Variants in FNBP1 observed in about 807,000 individuals in gnomAD.
FNBP1 encodes the protein formin binding protein 1, also known as formin-binding protein 1.
A neutral mutation model predicts 90.6 loss-of-function variants in FNBP1; 26 were observed. That is an observed-to-expected ratio of 0.29 (90% CI 0.21 to 0.40). The LOEUF is 0.40. Among genes scored for constraint, FNBP1 ranks in the 10% least tolerant of loss-of-function variants. FNBP1 has a pLI of 1.00. For synonymous variants in FNBP1, 260 were observed against 265.2 expected, an observed-to-expected ratio of 0.98 and a Z score of 0.19; for missense variants, 635 against 768.0, an observed-to-expected ratio of 0.83 and a Z score of 2.05.
chr9:129,996,728 C>T (rs181359676), intron 1 of FNBP1, among the ~76,000 whole-genome samples: 122 of 152,224 alleles, frequency 8.0e-4, no homozygotes, highest in African/African-American at 2.1e-3. Flanking sequence ...GAGACAGAGT[C>T]GTGCTCTTTC....
intron 8 of FNBP1, among the ~76,000 whole-genome samples, 172 bp downstream of exon 8, chr9:129,927,023 T>C (rs973781505): frequency 5.3e-5 from 8 of 152,142 alleles, no homozygotes; most frequent in Admixed American, 5.2e-4. Flanking sequence ...ACCACTTAAA[T>C]GTGTTTACCA....
At chr9:129,905,615 A>T (rs541377364) in intron 12 of FNBP1, among the ~76,000 whole-genome samples, 1 of 151,506 alleles carries the variant, frequency 6.6e-6, no homozygotes, top group Non-Finnish European at 1.5e-5. Context: ...AGCCGCTTCT[A>T]TTTCCTTTGG....
chr9:129,944,400 GCGTCGTGGTGGGCGCCTGTAGTCC>G (rs780096610), intron 6 of FNBP1, among the ~76,000 whole-genome samples: 175 of 152,060 alleles, frequency 1.2e-3, no homozygotes, highest in South Asian at 2.5e-3. Flanking sequence ...AATTAGCTGG[GCGTCGTGGTGGGCGCCTGTAGTCC>G]CAGCTACTTG....
chr9:129,926,800 C>T lies in FNBP1; in HGVS notation c.789+395G>A, dbSNP rs1204385867. On this transcript the variant is annotated intron_variant, in intron 8 of 16. Transcript: ENST00000446176. ...ACTCAGGAGGCTGAGGCAGGAGAAT[C>T]GCTTGAACCCGGGAGGTGGAGGTTG... Among the ~76,000 whole-genome samples, 4 of 151,462 alleles carry T rather than the reference C, an allele frequency of 2.6e-5. No individual in the cohort carries two copies. The East Asian group carries it at 7.8e-4, about 29-fold the overall frequency.
intron 4 of FNBP1, among the ~76,000 whole-genome samples, chr9:129,961,641 C>T (rs2047838139): frequency 6.6e-6 from 1 of 151,974 alleles, no homozygotes; most frequent in South Asian, 2.1e-4. Flanking sequence ...GATCTCGGTT[C>T]ACTGAGACCT....
chr9:130,033,758 C>T (rs144872026), intron 1 of FNBP1, among the ~76,000 whole-genome samples: 3,558 of 150,196 alleles, frequency 0.024, 58 homozygotes, highest in Middle Eastern at 0.039. Flanking sequence ...TTTGGGAGGC[C>T]GAGGCGGGCG....
rs71385491 is a variant in FNBP1 at position 129,948,356 on chromosome 9, C to CTTTTTTT, written c.513+8997_513+9003dup. ...TCATACAAAACACCTATTTTGGTGT[C>CTTTTTTT]TTTTTTTTTTTTTTTTTTTTTTTTT... On this transcript the variant is annotated intron_variant, in intron 6 of 16. Coordinates refer to ENST00000446176, the MANE Select transcript of FNBP1 (RefSeq NM_015033.3). Among the ~76,000 whole-genome samples, 10 of 64,480 alleles carry CTTTTTTT rather than the reference C, an allele frequency of 1.6e-4. 2 individuals are homozygous for CTTTTTTT. The highest frequency in any genetic ancestry group is 6.3e-4 in the African/African-American group (9 of 14,224). 42.3% of individuals were successfully genotyped at this position (64,480 alleles called of 152,430 possible). A position where few individuals can be genotyped will look rare whatever the true frequency, so the allele number is the denominator to read the frequency against.
chr9:130,014,185 G>A, intron 1 of FNBP1: 1 of 386,870 alleles, frequency 2.6e-6, no homozygotes, highest in Non-Finnish European at 5.1e-6. Context: ...AGAAAGGGAT[G>A]TGATCAGGGA....
chr9:129,994,359 C>T (rs1207093386), intron 2 of FNBP1, among the ~76,000 whole-genome samples: 1 of 152,074 alleles, frequency 6.6e-6, no homozygotes, highest in East Asian at 1.9e-4. Flanking sequence ...CAAAAGTGGG[C>T]ACTACTAATC....
intron 1 of FNBP1, among the ~76,000 whole-genome samples, chr9:130,018,379 T>C (rs1037760353): frequency 1.3e-5 from 2 of 152,074 alleles, no homozygotes; most frequent in African/African-American, 4.8e-5. Context: ...ATGAGGAAAC[T>C]AACATAGCAG....
intron 6 of FNBP1, among the ~76,000 whole-genome samples, chr9:129,944,875 T>C (rs560732206): frequency 2.0e-5 from 3 of 152,290 alleles, no homozygotes; most frequent in African/African-American, 7.2e-5. Flanking sequence ...GGCTAGGCCA[T>C]TTACTATCAT....
Position 129,940,487 on chromosome 9 carries a change from AT to A in FNBP1, c.514-10793del, listed in dbSNP as rs112719886. Among the ~76,000 whole-genome samples the A allele has an allele frequency of 8.6e-3, 1,309 of 152,230 alleles. 17 individuals carry two copies. Among genetic ancestry groups the A allele is most frequent in the African/African-American group, 0.03 (1,253 of 41,538 alleles). ...ATGTAATATATAGGAAATGAAATCTATGAAAAAGAAGTTATGAGGCGTGGGG... is the reference window on the plus strand; with the variant it reads ...ATGTAATATATAGGAAATGAAATCTAGAAAAAGAAGTTATGAGGCGTGGGG... On this transcript the variant is annotated intron_variant, in intron 6 of 16. Transcript: ENST00000446176.
Position 129,966,919 on chromosome 9 carries a change from T to C in FNBP1, c.346-8366A>G, listed in dbSNP as rs1433064770. On this transcript the variant is annotated intron_variant, in intron 4 of 16. Coordinates refer to ENST00000446176, the MANE Select transcript of FNBP1 (RefSeq NM_015033.3). The surrounding 1 kb of genome is among the most constrained non-coding windows in gnomAD (Gnocchi z 4.3). ...TGGACCACTGGCCACAGGGTAAGCATGGAAGCAGAGAAATGAATTAGGAGG... is the reference window on the plus strand; with the variant it reads ...TGGACCACTGGCCACAGGGTAAGCACGGAAGCAGAGAAATGAATTAGGAGG... Among the ~76,000 whole-genome samples the C allele has an allele frequency of 6.6e-6, 1 of 152,002 alleles. No homozygotes were observed. Among genetic ancestry groups the C allele is most frequent in the Non-Finnish European group, 1.5e-5 (1 of 67,994 alleles).
chr9:129,904,688 T>C (rs996164562), intron 12 of FNBP1, among the ~76,000 whole-genome samples: 6 of 152,178 alleles, frequency 3.9e-5, no homozygotes, highest in African/African-American at 1.4e-4. Flanking sequence ...TTCTTTCCTC[T>C]CTTCCTTCCT....
At chr9:130,038,120 C>G (rs2059488910) in intron 1 of FNBP1, among the ~76,000 whole-genome samples, 1 of 151,738 alleles carries the variant, frequency 6.6e-6, no homozygotes, top group South Asian at 2.1e-4. Flanking sequence ...TTTGGGAGGC[C>G]GACGTGGGCA....
In FNBP1 at chr9:129,957,610, G is replaced by T; in HGVS notation, c.409-146C>A. 2.9e-6 allele frequency: 2 copies of T among 679,496 alleles called. No homozygotes were observed. The highest frequency in any genetic ancestry group is 4.9e-6 in the Non-Finnish European group (2 of 409,642). 42.1% of individuals were successfully genotyped at this position (679,496 alleles called of 1,614,324 possible). Reference sequence around the variant, plus strand: ...TTTGTCACCCAGGCTGGAGTGCAGTGGCGCCATCTTGGCTCACTGCAGCTT... The same window carrying T: ...TTTGTCACCCAGGCTGGAGTGCAGTTGCGCCATCTTGGCTCACTGCAGCTT... On this transcript the variant is annotated intron_variant, in intron 5 of 16. Transcript: ENST00000446176. The surrounding 1 kb of genome is among the most constrained non-coding windows in gnomAD (Gnocchi z 4.3).
At chr9:129,930,099 C>T (rs2042512634) in intron 6 of FNBP1, among the ~76,000 whole-genome samples, 1 of 150,042 alleles carries the variant, frequency 6.7e-6, no homozygotes, top group South Asian at 2.1e-4. Flanking sequence ...CTCGCTCTGT[C>T]ACCCAGGCTG....
At chr9:129,920,241 CAG>C (rs1286998603) in intron 10 of FNBP1, among the ~76,000 whole-genome samples, 2 of 152,114 alleles carry the variant, frequency 1.3e-5, no homozygotes, top group Admixed American at 6.6e-5. Context: ...TATGGTAAAA[CAG>C]AGATTTTCCT....
upstream of FNBP1, chr9:130,043,210 G>C (rs1340336695): frequency 5.6e-6 from 2 of 354,112 alleles, no homozygotes; most frequent in Non-Finnish European, 1.0e-5. Flanking sequence ...GCGCCCGCCC[G>C]CCCTACACCC....
Sources: allele counts gnomAD v4.1 joint callset (sites outside exome capture counted in the v4.1 genomes callset), GRCh38; gene constraint gnomAD v4.1.1; non-coding constraint Gnocchi (gnomAD v3.1); transcripts MANE v1.5; gene names NCBI Gene and HGNC (gene_info 2026-07-23, HGNC 2026-07-21).